Variants in DLGAP2 observed in about 807,000 individuals in gnomAD.
DLGAP2 encodes the protein DLG associated protein 2.
In DLGAP2, 26 loss-of-function variants were observed where a neutral mutation model predicts 100.3. The ratio of observed to expected loss-of-function variants is 0.26; its 90% CI spans 0.19 to 0.36. The LOEUF (loss-of-function observed/expected upper bound fraction) is 0.36, where lower values mean the gene tolerates loss of function less well. Ranked by LOEUF, DLGAP2 falls within the 10% of genes least tolerant of loss-of-function variation. DLGAP2 has a pLI of 1.00. For synonymous variants in DLGAP2, 886 were observed against 630.1 expected (o/e 1.41, Z -6.08); for missense variants, 1,858 against 1,453.2 (o/e 1.28, Z -4.53).
chr8:1,523,153 G>A (rs985047972), intron 4 of DLGAP2, among the ~76,000 whole-genome samples: 3 of 152,196 alleles, frequency 2.0e-5, no homozygotes, highest in African/African-American at 4.8e-5. Flanking sequence ...TCTGGGGGGC[G>A]GGAGTGAGGA....
At chr8:1,318,906 C>T (rs1052477957) in intron 3 of DLGAP2, among the ~76,000 whole-genome samples, 1 of 151,874 alleles carries the variant, frequency 6.6e-6, no homozygotes, top group Non-Finnish European at 1.5e-5. Context: ...AGTGGGTCCC[C>T]ATAGATTTTA....
At chr8:1,531,889 C>T (rs975649674) in intron 4 of DLGAP2, among the ~76,000 whole-genome samples, 1 of 152,182 alleles carries the variant, frequency 6.6e-6, no homozygotes, top group African/African-American at 2.4e-5. Flanking sequence ...TTGTCACGCA[C>T]ACCCGTGACA....
At chr8:1,142,352 T>C (rs549343352) in intron 2 of DLGAP2, among the ~76,000 whole-genome samples, 11 of 152,298 alleles carry the variant, frequency 7.2e-5, no homozygotes, top group Non-Finnish European at 1.5e-4. Context: ...TAATTTTAAA[T>C]GTTAGAGAAA....
chr8:1,509,735 T>G (rs1005373291), intron 4 of DLGAP2, among the ~76,000 whole-genome samples: 2 of 152,168 alleles, frequency 1.3e-5, no homozygotes, highest in African/African-American at 2.4e-5. Flanking sequence ...TCCTACCTCG[T>G]TGGAATTTTA....
intron 6 of DLGAP2, among the ~76,000 whole-genome samples, chr8:1,616,391 A>C (rs78118388): frequency 0.029 from 4,362 of 152,246 alleles, 197 homozygotes; most frequent in African/African-American, 0.098. Flanking sequence ...ACAGACCCAA[A>C]ATGCTCAGTG....
chr8:1,370,860 G>A (rs1802220771), intron 3 of DLGAP2, among the ~76,000 whole-genome samples: 1 of 152,348 alleles, frequency 6.6e-6, no homozygotes, highest in Admixed American at 6.5e-5. Flanking sequence ...GCACCACACA[G>A]GACTGTTGTA....
At chr8:1,143,642 C>T (rs551689476) in intron 2 of DLGAP2, among the ~76,000 whole-genome samples, 21 of 152,328 alleles carry the variant, frequency 1.4e-4, no homozygotes, top group African/African-American at 3.8e-4. Context: ...GGCTTCAGAA[C>T]GGGCCTCTCC....
chr8:1,183,390 G>A (rs1797432692), intron 2 of DLGAP2, among the ~76,000 whole-genome samples: 1 of 152,216 alleles, frequency 6.6e-6, no homozygotes, highest in African/African-American at 2.4e-5. Flanking sequence ...CTTGGTGTGT[G>A]CAAGTGTGTT....
intron 3 of DLGAP2, among the ~76,000 whole-genome samples, chr8:1,387,889 T>A (rs1162298682): frequency 6.6e-6 from 1 of 152,220 alleles, no homozygotes; most frequent in Non-Finnish European, 1.5e-5. Context: ...GAAGCCGAGA[T>A]GTCCTGTGAG....
At chr8:1,442,105 C>G in intron 3 of DLGAP2, among the ~76,000 whole-genome samples, 1 of 152,244 alleles carries the variant, frequency 6.6e-6, no homozygotes, top group Non-Finnish European at 1.5e-5. Flanking sequence ...TCTCCTCTGA[C>G]CTGGCTAGGA....
At chr8:917,682 A>T (rs898630636) in intron 2 of DLGAP2, among the ~76,000 whole-genome samples, 1 of 152,090 alleles carries the variant, frequency 6.6e-6, no homozygotes, top group Non-Finnish European at 1.5e-5. Flanking sequence ...CCAGGTTCAA[A>T]TCATTCTCCT....
chr8:1,069,852 C>T (rs531498963), intron 2 of DLGAP2, among the ~76,000 whole-genome samples: 4 of 152,242 alleles, frequency 2.6e-5, no homozygotes, highest in African/African-American at 7.2e-5. Flanking sequence ...GGCTGCCTCA[C>T]GTCTGCGGAA....
chr8:1,182,801 C>A (rs1448402521), intron 2 of DLGAP2, among the ~76,000 whole-genome samples: 3 of 152,138 alleles, frequency 2.0e-5, no homozygotes, highest in Non-Finnish European at 4.4e-5. Flanking sequence ...AGGGAGAGTC[C>A]ACGGGTCGGC....
At chr8:1,482,280 C>T (rs564497725) in intron 3 of DLGAP2, among the ~76,000 whole-genome samples, 2 of 152,316 alleles carry the variant, frequency 1.3e-5, no homozygotes, top group Non-Finnish European at 2.9e-5. Flanking sequence ...GTTTGATCTG[C>T]TTCTTGATAG....
At chr8:1,272,459 T>G (rs936039887) in intron 3 of DLGAP2, among the ~76,000 whole-genome samples, 16 of 151,844 alleles carry the variant, frequency 1.1e-4, no homozygotes, top group Non-Finnish European at 4.4e-5. Context: ...TATTAAACAT[T>G]TTATATATAG....
chr8:1,130,793 G>A (rs1218870354), intron 2 of DLGAP2, among the ~76,000 whole-genome samples: 2 of 152,160 alleles, frequency 1.3e-5, no homozygotes, highest in Admixed American at 6.6e-5. Flanking sequence ...GGCACAGCAC[G>A]CCCCCAGCTC....
At chr8:1,551,283 C>T (rs531310255) in intron 5 of DLGAP2, among the ~76,000 whole-genome samples, 1 of 152,300 alleles carries the variant, frequency 6.6e-6, no homozygotes, top group East Asian at 1.9e-4. Flanking sequence ...TAGAAAGAAT[C>T]GGGGTTCACT....
At chr8:1,234,845 C>T (rs188005096) in intron 2 of DLGAP2, among the ~76,000 whole-genome samples, 16 of 152,296 alleles carry the variant, frequency 1.1e-4, no homozygotes, top group African/African-American at 3.4e-4. Context: ...GGAGTGATAC[C>T]CGGACTGTTC....
At chr8:1,307,549 C>G (rs996197399) in intron 3 of DLGAP2, among the ~76,000 whole-genome samples, 1 of 152,114 alleles carries the variant, frequency 6.6e-6, no homozygotes, top group Non-Finnish European at 1.5e-5. Flanking sequence ...AAGCAGGGCT[C>G]AGATAATTGT....
Sources: allele counts gnomAD v4.1 joint callset (sites outside exome capture counted in the v4.1 genomes callset), GRCh38; gene constraint gnomAD v4.1.1; transcripts MANE v1.5; gene names NCBI Gene and HGNC (gene_info 2026-07-23, HGNC 2026-07-21).